Variants in TBXAS1 observed in about 807,000 individuals in gnomAD.
TBXAS1 encodes thromboxane A synthase 1.
A neutral mutation model predicts 60.7 loss-of-function variants in TBXAS1; 48 were observed. That is an observed-to-expected ratio of 0.79 (90% CI 0.63 to 1.01). TBXAS1 has a LOEUF of 1.01. TBXAS1 is among the 50% of genes least tolerant of loss of function. The pLI is 0.00. For missense variants in TBXAS1, 685 were observed against 686.3 expected (o/e 1.00, Z 0.02); for synonymous variants, 287 against 269.7 (o/e 1.06, Z -0.63).
chr7:139,895,808 A>G (rs1804041761), intron 3 of TBXAS1, among the ~76,000 whole-genome samples: 1 of 152,212 alleles, frequency 6.6e-6, no homozygotes, highest in African/African-American at 2.4e-5. Flanking sequence ...GCTAGACCTG[A>G]GACTGGCTGG....
intron 5 of TBXAS1, among the ~76,000 whole-genome samples, chr7:139,945,695 C>A (rs985877151): frequency 6.6e-6 from 1 of 152,172 alleles, no homozygotes; most frequent in Non-Finnish European, 1.5e-5. Flanking sequence ...AACAAAATTA[C>A]CCCAAAACTT....
At chr7:139,825,894 C>T (rs1261965206), upstream of TBXAS1, among the ~76,000 whole-genome samples, 1 of 152,204 alleles carries the variant, frequency 6.6e-6, no homozygotes, top group East Asian at 1.9e-4. Context: ...CTCTCTGCAT[C>T]GTGCTCTTGG....
intron 3 of TBXAS1, among the ~76,000 whole-genome samples, chr7:139,894,258 G>T (rs1255743410): frequency 6.6e-6 from 1 of 152,192 alleles, no homozygotes; most frequent in Non-Finnish European, 1.5e-5. Context: ...CATTTTGCAT[G>T]TTTTCCATGG....
intron 4 of TBXAS1, among the ~76,000 whole-genome samples, chr7:139,929,110 C>A (rs1807108470): frequency 6.6e-6 from 1 of 152,158 alleles, no homozygotes; most frequent in Non-Finnish European, 1.5e-5. Flanking sequence ...ACACTATGTG[C>A]CAAGGACTGT....
At chr7:139,819,909 T>A (rs1171849534) in intron 4 of TBXAS1, among the ~76,000 whole-genome samples, 1 of 151,740 alleles carries the variant, frequency 6.6e-6, no homozygotes, top group East Asian at 1.9e-4. Flanking sequence ...AACTTCGAAT[T>A]ATCTTCTGCT....
At chr7:139,850,116 G>C (rs1345853770) in intron 1 of TBXAS1, among the ~76,000 whole-genome samples, 1 of 152,204 alleles carries the variant, frequency 6.6e-6, no homozygotes, top group Non-Finnish European at 1.5e-5. Context: ...TACACATCGT[G>C]AATTTAACTT....
Position 139,875,635 on chromosome 7 carries a change from TG to T in TBXAS1, c.236+1del, listed in dbSNP as rs762089088. On this transcript the variant is annotated frameshift_variant and splice_region_variant, in exon 3 of 13. Transcript: ENST00000448866. LOFTEE classifies it high-confidence loss of function. ...TCAGAAAGCTGTATGGACCTCTGTG[TG>T]GGTAAGAAGGAAACTCAACGTTTCT... ...ELRKLYGPLC[G>X]YYLGRRMFIV... 1.9e-6 allele frequency: 3 copies of T among 1,611,254 alleles called. No individual in the cohort carries two copies. Among genetic ancestry groups the T allele is most frequent in the Non-Finnish European group, 2.5e-6 (3 of 1,180,010 alleles).
intron 1 of TBXAS1, among the ~76,000 whole-genome samples, chr7:139,842,008 A>G (rs958531879): frequency 6.6e-6 from 1 of 152,204 alleles, no homozygotes; most frequent in African/African-American, 2.4e-5. Flanking sequence ...ACAGAGTAAT[A>G]TTATTTGCAA....
At chr7:139,790,003 A>G (rs1797332676) in intron 4 of TBXAS1, among the ~76,000 whole-genome samples, 2 of 152,296 alleles carry the variant, frequency 1.3e-5, no homozygotes, top group African/African-American at 2.4e-5. Flanking sequence ...ACCAACTCAC[A>G]CTGAGCCCTA....
chr7:139,834,763 A>G (rs1243505063), intron 1 of TBXAS1, among the ~76,000 whole-genome samples: 1 of 152,188 alleles, frequency 6.6e-6, no homozygotes, highest in Non-Finnish European at 1.5e-5. Flanking sequence ...CTCCTAGCTT[A>G]AATCAGGAAG....
Position 139,829,438 on chromosome 7 carries a change from GACGGT to G in TBXAS1, c.49_53del (p.Thr17GlyfsTer74). 6.2e-7 allele frequency: 1 copy of G among 1,614,046 alleles called. No individual in the cohort carries two copies. Among genetic ancestry groups the G allele is most frequent in the South Asian group, 1.1e-5 (1 of 91,010 alleles). ...AATTGGAAGTGAATGGCCCCATGGT[GACGGT>G]GGCCCTGTCAGTGGCTCTCTTGGCC... is the stretch of plus-strand genomic sequence containing the variant. On this transcript the variant is annotated frameshift_variant, in exon 1 of 13. Coordinates refer to ENST00000448866, the MANE Select transcript of TBXAS1 (RefSeq NM_001061.7). LOFTEE classifies it high-confidence loss of function.
chr7:139,832,733 G>A (rs1798789170), intron 1 of TBXAS1, among the ~76,000 whole-genome samples: 1 of 152,196 alleles, frequency 6.6e-6, no homozygotes, highest in Admixed American at 6.5e-5. Context: ...ACCTATAAAG[G>A]AAAACCTATC....
chr7:139,900,773 C>T (rs764680128), intron 3 of TBXAS1, among the ~76,000 whole-genome samples: 3 of 152,190 alleles, frequency 2.0e-5, no homozygotes, highest in Non-Finnish European at 4.4e-5. Context: ...AAAATGGCTG[C>T]CATCAGCCCT....
intron 9 of TBXAS1, among the ~76,000 whole-genome samples, chr7:139,994,269 C>G (rs1275592761): frequency 6.6e-6 from 1 of 152,250 alleles, no homozygotes; most frequent in African/African-American, 2.4e-5. Flanking sequence ...TCTCAAACTC[C>G]TGACCTCAAG....
chr7:139,888,099 C>T (rs115320693), intron 3 of TBXAS1, among the ~76,000 whole-genome samples: 47 of 152,276 alleles, frequency 3.1e-4, no homozygotes, highest in African/African-American at 1.0e-3. Context: ...GGCCAGTAAG[C>T]GCATTTTTAA....
chr7:139,794,220 G>C (rs1328803074), intron 4 of TBXAS1, among the ~76,000 whole-genome samples: 1 of 151,792 alleles, frequency 6.6e-6, no homozygotes, highest in African/African-American at 2.4e-5. Context: ...TCCTACCTCA[G>C]CTCCCAAGTA....
Position 140,020,032 on chromosome 7 carries a change from T to C in TBXAS1, c.1535T>C (p.Leu512Pro), listed in dbSNP as rs759354516. The C allele has an allele frequency of 5.3e-5, 85 of 1,613,626 alleles. No homozygotes were observed. The highest frequency in any genetic ancestry group is 6.9e-5 in the Non-Finnish European group (81 of 1,179,902). The change falls in exon 13 of 13, where the codon CTG becomes CCG. Residue 512 changes from leucine to proline, a missense_variant. By Grantham distance (98) the Leu-to-Pro change is moderately conservative. Coordinates refer to ENST00000448866, the MANE Select transcript of TBXAS1 (RefSeq NM_001061.7). The part of the protein sequence containing the change: ...FQACPETQVP[L>P]QLESKSALGP... ...TAATTTTCTCTATTTTAGGTACCGC[T>C]GCAGCTAGAATCCAAATCTGCCCTA...
At chr7:139,978,368 G>T (rs1294734146) in intron 9 of TBXAS1, among the ~76,000 whole-genome samples, 1 of 151,744 alleles carries the variant, frequency 6.6e-6, no homozygotes, top group Non-Finnish European at 1.5e-5. Flanking sequence ...CAATTAGCCG[G>T]GCATGGTGGT....
chr7:139,789,484 C>G lies in TBXAS1; in HGVS notation c.-80+2058C>G, dbSNP rs1244805896. 5 of 152,100 alleles carry G rather than the reference C, an allele frequency of 3.3e-5. No individual in the cohort carries two copies. In the East Asian group the frequency reaches 5.8e-4, roughly 18 times the overall value. The allele number at this position is 152,100 out of a possible 1,614,324, so 9.4% of individuals were successfully genotyped here. On this transcript the variant is annotated intron_variant, in intron 4 of 16. Coordinates refer to the TBXAS1 transcript ENST00000336425. Reference sequence around the variant, plus strand: ...CTGGTCTAGGACTCCTGGGCTCAAGCAATCCTCCCACCTCAGCCTCCCAAA... The same window carrying G: ...CTGGTCTAGGACTCCTGGGCTCAAGGAATCCTCCCACCTCAGCCTCCCAAA...
Sources: gnomAD v4.1 joint callset for allele counts (sites outside exome capture counted in the v4.1 genomes callset) on GRCh38, gnomAD v4.1.1 for gene constraint, MANE v1.5 for transcripts, NCBI Gene and HGNC (gene_info 2026-07-23, HGNC 2026-07-21) for gene names.